HECTD4: variants seen among roughly 807,000 people sequenced by gnomAD.
The protein encoded by HECTD4 is probable E3 ubiquitin-protein ligase HECTD4.
Under a neutral mutation model 471.5 loss-of-function variants are expected in HECTD4, and 114 were observed. The ratio of observed to expected loss-of-function variants is 0.24; its 90% CI spans 0.21 to 0.28. HECTD4 has a LOEUF of 0.28. Ranked by LOEUF, HECTD4 falls within the 10% of genes least tolerant of loss-of-function variation. The pLI is 1.00. For synonymous variants in HECTD4, 2,012 were observed against 2,256.0 expected (o/e 0.89, Z 3.07); for missense variants, 3,866 against 5,651.5 (o/e 0.68, Z 10.13).
At position 112,194,019 on chromosome 12, in the gene HECTD4, C is replaced by G. The variant is rs1021848620; in HGVS notation, c.8750-345G>C. ...TGACCTGTCTGACTACTCTGGCCCACCCCCGCAGGGTACCTTAGGGCACAG... is the reference window on the plus strand; with the variant it reads ...TGACCTGTCTGACTACTCTGGCCCAGCCCCGCAGGGTACCTTAGGGCACAG... On this transcript the variant is annotated intron_variant, in intron 56 of 75. Transcript: ENST00000682272. This position sits in a 1 kb window ranked among gnomAD's most constrained non-coding sequence, Gnocchi z 4.6. 1.3e-5 allele frequency among the ~76,000 whole-genome samples: 2 copies of G among 152,208 alleles called. No homozygotes were observed. Among genetic ancestry groups the G allele is most frequent in the Middle Eastern group, 3.2e-3 (1 of 316 alleles).
chr12:112,355,748 C>T (rs1057069724), intron 1 of HECTD4, among the ~76,000 whole-genome samples: 8 of 151,478 alleles, frequency 5.3e-5, no homozygotes, highest in Admixed American at 4.0e-4. Context: ...TGGGAGACAG[C>T]GAGACTCTGT....
chr12:112,308,611 G>T, intron 6 of HECTD4, 142 bp downstream of exon 6: 1 of 758,352 alleles, frequency 1.3e-6, no homozygotes, highest in Non-Finnish European at 2.0e-6. Context: ...ATAAAAAACA[G>T]AATGCCCAAA....
chr12:112,304,301 C>G (rs2035229918), intron 7 of HECTD4, among the ~76,000 whole-genome samples: 2 of 140,170 alleles, frequency 1.4e-5, no homozygotes, highest in Admixed American at 1.6e-4. Context: ...CTGGAGCACA[C>G]TGGTACAATC....
At position 112,244,023 on chromosome 12, in the gene HECTD4, G is replaced by T; in HGVS notation, c.4514-14C>A. 6.2e-7 allele frequency: 1 copy of T among 1,612,934 alleles called. No homozygotes were observed. Among genetic ancestry groups the T allele is most frequent in the African/African-American group, 1.3e-5 (1 of 74,836 alleles). ...CTGATTTACAAGCTAGAAAAAAAAG[G>T]AATAAAAAGGCTGACATTTCTGCTA... On this transcript the variant is annotated splice_polypyrimidine_tract_variant and intron_variant, in intron 29 of 75. Transcript: ENST00000682272.
chr12:112,238,948 A>G, intron 34 of HECTD4, 104 bp downstream of exon 34: 1 of 1,132,970 alleles, frequency 8.8e-7, no homozygotes. Flanking sequence ...TGATCATGTC[A>G]TTTAATAGAG....
In HECTD4 at chr12:112,381,161, A is replaced by G. The variant is rs2036879763; in HGVS notation, c.177+791T>C. 6.6e-6 allele frequency among the ~76,000 whole-genome samples: 1 copy of G among 152,166 alleles called. No homozygotes were observed. Among genetic ancestry groups the G allele is most frequent in the Non-Finnish European group, 1.5e-5 (1 of 68,020 alleles). Reference sequence around the variant, plus strand: ...TGAAGTCGATGGAAAGTTCCCACCAACCAGGCATATTTGGTTCCCTTCTGC... The same window carrying G: ...TGAAGTCGATGGAAAGTTCCCACCAGCCAGGCATATTTGGTTCCCTTCTGC... On this transcript the variant is annotated intron_variant, in intron 1 of 75. Coordinates refer to ENST00000682272, the MANE Select transcript of HECTD4 (RefSeq NM_001388303.1). This position sits in a 1 kb window ranked among gnomAD's most constrained non-coding sequence, Gnocchi z 4.1.
chr12:112,163,202 C>G lies in HECTD4; in HGVS notation c.12960G>C (p.Gly4320=). 6.2e-7 allele frequency: 1 copy of G among 1,613,948 alleles called. No homozygotes were observed. Among genetic ancestry groups the G allele is most frequent in the Non-Finnish European group, 8.5e-7 (1 of 1,179,860 alleles). Residue 4320 remains glycine (G), a synonymous_variant, in exon 75 of 76, where the codon GGG becomes GGC. Transcript: ENST00000682272. The surrounding 1 kb of genome is among the most constrained non-coding windows in gnomAD (Gnocchi z 8.2). ...ETDQHIEFFW[G]ALEMFTQEEL... The stretch of plus-strand genomic sequence containing the variant: ...CCTCCTGGGTGAACATCTCCAGGGC[C>G]CCCCAGAAGAACTCGATGTGCTGGT...
rs1566088596 is a variant in HECTD4 at position 112,254,084 on chromosome 12, G to A, written c.3406C>T (p.Arg1136Cys). ...YGGNTLGYGS[R>C]SVLGTGWPKD... ...GGCCAACCAGTTCCTAAGACACTAC[G>A]GCTGCCATATCCCAGTGTGTTGCCT... is the stretch of plus-strand genomic sequence containing the variant. Residue 1136 changes from arginine (R) to cysteine (C), a missense_variant, in exon 22 of 76, where the codon CGT becomes TGT. By Grantham distance (180) the Arg-to-Cys change is radical. Coordinates refer to ENST00000682272, the MANE Select transcript of HECTD4 (RefSeq NM_001388303.1). 2 of 1,613,914 alleles carry A rather than the reference G, an allele frequency of 1.2e-6. No homozygotes were observed. Among genetic ancestry groups the A allele is most frequent in the Non-Finnish European group, 1.7e-6 (2 of 1,179,872 alleles).
chr12:112,187,081 G>A (rs2031895929), intron 60 of HECTD4, among the ~76,000 whole-genome samples: 1 of 152,118 alleles, frequency 6.6e-6, no homozygotes, highest in African/African-American at 2.4e-5. Context: ...CCAGGTTCAA[G>A]CAATTCTCCT....
chr12:112,198,066 C>T (rs923413971), intron 55 of HECTD4, among the ~76,000 whole-genome samples: 1 of 152,164 alleles, frequency 6.6e-6, no homozygotes. Flanking sequence ...AACTCCTGGC[C>T]TCAAGTGAAC....
At chr12:112,233,145 C>A in intron 37 of HECTD4, 60 bp from the exon 38 acceptor site, 1 of 1,400,806 alleles carries the variant, frequency 7.1e-7, no homozygotes, top group Non-Finnish European at 9.9e-7. Context: ...AAGTGGGCTG[C>A]ATGCCATGGG....
chr12:112,343,036 T>C (rs2036080230), intron 1 of HECTD4, among the ~76,000 whole-genome samples: 1 of 152,156 alleles, frequency 6.6e-6, no homozygotes, highest in South Asian at 2.1e-4. Context: ...TTCCTTCTTT[T>C]ATGTTCAAAA....
intron 1 of HECTD4, among the ~76,000 whole-genome samples, chr12:112,337,593 A>G (rs1487870104): frequency 6.6e-6 from 1 of 152,258 alleles, no homozygotes; most frequent in Non-Finnish European, 1.5e-5. Flanking sequence ...GAGAGAAGAA[A>G]GAATATGTGC....
chr12:112,288,288 C>T (rs922738878), intron 7 of HECTD4, among the ~76,000 whole-genome samples: 7 of 143,192 alleles, frequency 4.9e-5, no homozygotes, highest in African/African-American at 1.8e-4. Flanking sequence ...CTCTGCACTC[C>T]AGCCTAGGTG....
In HECTD4 at chr12:112,305,764, A is replaced by G. The variant is rs1009436195; in HGVS notation, c.1335+300T>C. Reference sequence around the variant, plus strand: ...TCTGTAGACCCATTCTTGCTACTGTAATGTTGCCCCACATTTCCAACAGAC... The same window carrying G: ...TCTGTAGACCCATTCTTGCTACTGTGATGTTGCCCCACATTTCCAACAGAC... On this transcript the variant is annotated intron_variant, in intron 7 of 75. Transcript: ENST00000682272. Among the ~76,000 whole-genome samples, 4 of 152,170 alleles carry G rather than the reference A, an allele frequency of 2.6e-5. No individual in the cohort carries two copies. In the East Asian group the frequency reaches 7.7e-4, roughly 29 times the overall value.
At chr12:112,303,081 A>G (rs1329280495) in intron 7 of HECTD4, among the ~76,000 whole-genome samples, 1 of 151,236 alleles carries the variant, frequency 6.6e-6, no homozygotes, top group East Asian at 1.9e-4. Flanking sequence ...GTGATTCACC[A>G]GGGAGGCAAG....
rs1394679637 is a variant in HECTD4, at chr12:112,163,447, GC to G, written c.12897+94del. Reference sequence around the variant, plus strand: ...TGTGGCAAGGACAGAGCTGAGACAGGCCACTGCCGATGCCTGCTGCTGGAGT... The same window carrying G: ...TGTGGCAAGGACAGAGCTGAGACAGGCACTGCCGATGCCTGCTGCTGGAGT... On this transcript the variant is annotated intron_variant, in intron 74 of 75. Coordinates refer to ENST00000682272, the MANE Select transcript of HECTD4 (RefSeq NM_001388303.1). This position sits in a 1 kb window ranked among gnomAD's most constrained non-coding sequence, Gnocchi z 8.2. The G allele has an allele frequency of 4.3e-6, 5 of 1,160,656 alleles. No individual in the cohort carries two copies. The highest frequency in any genetic ancestry group is 6.0e-6 in the Non-Finnish European group (5 of 836,406). 71.9% of individuals were successfully genotyped at this position (1,160,656 alleles called of 1,614,324 possible).
In HECTD4 at chr12:112,164,315, T is replaced by C. The variant is rs1566056415; in HGVS notation, c.12535-40A>G. 3.2e-6 allele frequency: 5 copies of C among 1,582,588 alleles called. No individual in the cohort carries two copies. The Middle Eastern group carries it at 6.8e-4, about 215-fold the overall frequency. On this transcript the variant is annotated intron_variant, in intron 72 of 75. Coordinates refer to ENST00000682272, the MANE Select transcript of HECTD4 (RefSeq NM_001388303.1). ...CAGAGCGAGGCTCATTATGAGGCCATGGGAGGTGGAACCCTGATCCCCAGG... is the reference window on the plus strand; with the variant it reads ...CAGAGCGAGGCTCATTATGAGGCCACGGGAGGTGGAACCCTGATCCCCAGG...
intron 7 of HECTD4, chr12:112,302,206 C>G: frequency 3.8e-6 from 5 of 1,306,254 alleles, no homozygotes; most frequent in Non-Finnish European, 5.4e-6. Context: ...GTGCAATCAC[C>G]ACCAGCTGAG....
Sources: gnomAD v4.1 joint callset for allele counts (sites outside exome capture counted in the v4.1 genomes callset) on GRCh38, gnomAD v4.1.1 for gene constraint, Gnocchi (gnomAD v3.1) non-coding constraint, MANE v1.5 for transcripts, NCBI Gene and HGNC (gene_info 2026-07-23, HGNC 2026-07-21) for gene names.